Variants in SLC35F3 observed in about 807,000 individuals in gnomAD.
SLC35F3 encodes solute carrier family 35 member F3, also known as putative thiamine transporter SLC35F3.
In SLC35F3, 25 loss-of-function variants were observed where a neutral mutation model predicts 49.9. That is an observed-to-expected ratio of 0.50 (90% CI 0.37 to 0.70). The LOEUF (loss-of-function observed/expected upper bound fraction) is 0.70, where lower values mean the gene tolerates loss of function less well. Among genes scored for constraint, SLC35F3 ranks in the 30% least tolerant of loss-of-function variants. The pLI, the probability that SLC35F3 is intolerant of heterozygous loss-of-function variation, is 0.00. For synonymous variants in SLC35F3, 275 were observed against 265.4 expected (o/e 1.04, Z -0.35); for missense variants, 525 against 639.8 (o/e 0.82, Z 1.94).
chr1:233,955,867 G>C (rs868670219), intron 2 of SLC35F3, among the ~76,000 whole-genome samples: 1 of 146,436 alleles, frequency 6.8e-6, no homozygotes, highest in Non-Finnish European at 1.5e-5. Flanking sequence ...CAGCAGAGGA[G>C]GTGTGGGTAT....
intron 2 of SLC35F3, among the ~76,000 whole-genome samples, chr1:234,146,760 C>T (rs1383780123): frequency 2.0e-5 from 3 of 152,026 alleles, no homozygotes; most frequent in Non-Finnish European, 4.4e-5. Flanking sequence ...GTAATCCACC[C>T]GCCTCGGCCT....
intron 2 of SLC35F3, among the ~76,000 whole-genome samples, chr1:234,229,340 T>G (rs10797533): frequency 0.2 from 29,876 of 152,222 alleles, 4,340 homozygotes; most frequent in East Asian, 0.8. Context: ...TCTTAATTTT[T>G]TTTGTAATTG....
intron 2 of SLC35F3, among the ~76,000 whole-genome samples, chr1:233,951,997 AT>A (rs1396441765): frequency 1.3e-5 from 2 of 151,280 alleles, no homozygotes; most frequent in African/African-American, 2.5e-5. Context: ...CACATCTATC[AT>A]TTTTTTCTCT....
At position 234,134,167 on chromosome 1, in the gene SLC35F3, A is replaced by T. The variant is rs187844215; in HGVS notation, c.284-97250A>T. Reference sequence around the variant, plus strand: ...TATTTTAACCATCCATTATATAGCGATTACTATTGTAGGCACTGAAGATGT... The same window carrying T: ...TATTTTAACCATCCATTATATAGCGTTTACTATTGTAGGCACTGAAGATGT... On this transcript the variant is annotated intron_variant, in intron 2 of 7. Coordinates refer to ENST00000366618, the MANE Select transcript of SLC35F3 (RefSeq NM_173508.4). Among the ~76,000 whole-genome samples, 148 of 152,058 alleles carry T rather than the reference A, an allele frequency of 9.7e-4. 2 individuals are homozygous for T. Among genetic ancestry groups the T allele is most frequent in the African/African-American group, 3.2e-3 (133 of 41,500 alleles).
rs1657581420 is a variant in SLC35F3, at chr1:234,320,115, A to C, written c.1165A>C (p.Asn389His). 1 of 1,610,624 alleles carries C rather than the reference A, an allele frequency of 6.2e-7. No individual in the cohort carries two copies. Among genetic ancestry groups the C allele is most frequent in the Non-Finnish European group, 8.5e-7 (1 of 1,176,812 alleles). Reference sequence around the variant, plus strand: ...TATTTCAGCATTCAATATTGTATTAAATTTTGGAATTGCCGTTACATATCC... The same window carrying C: ...TATTTCAGCATTCAATATTGTATTACATTTTGGAATTGCCGTTACATATCC... ...VLLLTFNIVL[N>H]FGIAVTYPTL... is the part of the protein sequence containing the mutation. The change falls in exon 7 of 8, where the codon AAT (asparagine) becomes CAT (histidine). Residue 389 changes from asparagine (N) to histidine (H), a missense_variant. Transcript: ENST00000366618. This position sits in a 1 kb window ranked among gnomAD's most constrained non-coding sequence, Gnocchi z 4.8.
intron 3 of SLC35F3, among the ~76,000 whole-genome samples, chr1:234,286,419 T>G (rs1190130242): frequency 1.3e-5 from 2 of 152,240 alleles, no homozygotes; most frequent in African/African-American, 4.8e-5. Context: ...GCAGCCCGAA[T>G]GCCACAGGTG....
chr1:234,078,235 G>C (rs959104174), intron 2 of SLC35F3, among the ~76,000 whole-genome samples: 2 of 151,938 alleles, frequency 1.3e-5, no homozygotes, highest in African/African-American at 2.4e-5. Context: ...CACAAAAACT[G>C]CCTCTCTTAA....
chr1:233,937,868 G>A (rs796929614), intron 2 of SLC35F3, among the ~76,000 whole-genome samples: 29 of 152,300 alleles, frequency 1.9e-4, no homozygotes, highest in African/African-American at 6.7e-4. Context: ...GTTGGTGAGT[G>A]CGGGAGAGGG....
At chr1:234,186,290 C>G (rs941583712) in intron 2 of SLC35F3, among the ~76,000 whole-genome samples, 8 of 152,094 alleles carry the variant, frequency 5.3e-5, no homozygotes, top group African/African-American at 1.7e-4. Flanking sequence ...TGATGTTGGC[C>G]AAATGCTCCT....
chr1:234,058,517 A>G (rs1664491202), intron 2 of SLC35F3, among the ~76,000 whole-genome samples: 1 of 150,762 alleles, frequency 6.6e-6, no homozygotes, highest in African/African-American at 2.4e-5. Flanking sequence ...GCTAATTTTA[A>G]ATTTTTTGTA....
At chr1:234,224,838 G>A (rs1667262061) in intron 2 of SLC35F3, among the ~76,000 whole-genome samples, 1 of 152,224 alleles carries the variant, frequency 6.6e-6, no homozygotes, top group Admixed American at 6.5e-5. Context: ...AAAAAGATAT[G>A]TAACATCTAC....
At chr1:234,312,858 TTTG>T (rs1572148362) in intron 4 of SLC35F3, among the ~76,000 whole-genome samples, 4 of 55,158 alleles carry the variant, frequency 7.3e-5, no homozygotes, top group African/African-American at 5.2e-4. Context: ...TTTAGGTTTT[TTTG>T]TTTGTTTGTT....
At chr1:234,075,087 C>T (rs1253233504) in intron 2 of SLC35F3, among the ~76,000 whole-genome samples, 2 of 152,036 alleles carry the variant, frequency 1.3e-5, no homozygotes, top group East Asian at 1.9e-4. Flanking sequence ...GTGAGATACA[C>T]CGATGAGAGA....
intron 2 of SLC35F3, among the ~76,000 whole-genome samples, chr1:234,081,779 C>T (rs905606008): frequency 1.3e-5 from 2 of 151,744 alleles, no homozygotes; most frequent in African/African-American, 4.8e-5. Flanking sequence ...ACTCTGTTGC[C>T]CAGGCTGGAG....
rs1466415683 is a variant in SLC35F3, at chr1:234,214,039, C to T, written c.284-17378C>T. The T allele has an allele frequency of 6.5e-6, 2 of 307,832 alleles. No homozygotes were observed. The highest frequency in any genetic ancestry group is 9.6e-6 in the Non-Finnish European group (2 of 209,076). 19.1% of individuals were successfully genotyped at this position (307,832 alleles called of 1,614,324 possible). ...CTGAGGCTTAAGTTCTCAGGGTCTC[C>T]CCTCCGCAGGCGCTGGTCCTTTTAA... On this transcript the variant is annotated intron_variant, in intron 2 of 7. Transcript: ENST00000366618. The surrounding 1 kb of genome is among the most constrained non-coding windows in gnomAD (Gnocchi z 8.0).
At position 234,068,823 on chromosome 1, in the gene SLC35F3, TTATATATATA is replaced by T. The variant is rs10645395; in HGVS notation, c.284-162570_284-162561del. Among the ~76,000 whole-genome samples, 35 of 71,152 alleles carry T rather than the reference TTATATATATA, an allele frequency of 4.9e-4. 5 individuals carry two copies. Among genetic ancestry groups the T allele is most frequent in the African/African-American group, 1.2e-3 (20 of 17,000 alleles). The allele number at this position is 71,152 out of a possible 152,430, so 46.7% of individuals were successfully genotyped here. ...GAGTGACAGGATAAGATTTGAGACA[TTATATATATA>T]TATATATATATATATATATATATGG... On this transcript the variant is annotated intron_variant, in intron 2 of 7. Coordinates refer to ENST00000366618, the MANE Select transcript of SLC35F3 (RefSeq NM_173508.4).
intron 2 of SLC35F3, among the ~76,000 whole-genome samples, chr1:233,937,699 G>A (rs1003985122): frequency 6.6e-5 from 10 of 152,204 alleles, no homozygotes; most frequent in African/African-American, 2.2e-4. Context: ...GAAACAAAAC[G>A]GAGAAGGGAC....
intron 2 of SLC35F3, among the ~76,000 whole-genome samples, chr1:234,199,082 G>T (rs1284242476): frequency 2.0e-5 from 3 of 151,122 alleles, no homozygotes; most frequent in Non-Finnish European, 2.9e-5. Flanking sequence ...TTAAAAACTG[G>T]CCAGTTATGG....
At chr1:234,077,568 G>T (rs1664810616) in intron 2 of SLC35F3, among the ~76,000 whole-genome samples, 1 of 152,120 alleles carries the variant, frequency 6.6e-6, no homozygotes, top group African/African-American at 2.4e-5. Context: ...GGGATTATGG[G>T]GATTACAATT....
Sources: allele counts gnomAD v4.1 joint callset (sites outside exome capture counted in the v4.1 genomes callset), GRCh38; gene constraint gnomAD v4.1.1; non-coding constraint Gnocchi (gnomAD v3.1); transcripts MANE v1.5; gene names NCBI Gene and HGNC (gene_info 2026-07-23, HGNC 2026-07-21).